Variants in TYRP1 observed in about 807,000 individuals in gnomAD.
The protein encoded by TYRP1 is tyrosinase related protein 1, also known as 5,6-dihydroxyindole-2-carboxylic acid oxidase.
Under a neutral mutation model 42.8 loss-of-function variants are expected in TYRP1, and 49 were observed. That is an observed-to-expected ratio of 1.14 (90% CI 0.91 to 1.45). The LOEUF is 1.45. TYRP1 is among the 40% of genes most tolerant of loss of function. The pLI, the probability that TYRP1 is intolerant of heterozygous loss-of-function variation, is 0.00. For synonymous variants in TYRP1, 279 were observed against 235.4 expected (o/e 1.19, Z -1.69); for missense variants, 848 against 662.0 (o/e 1.28, Z -3.08).
At chr9:12,703,690 T>C (rs1253515241) in intron 5 of TYRP1, among the ~76,000 whole-genome samples, 2 of 151,766 alleles carry the variant, frequency 1.3e-5, no homozygotes, top group Non-Finnish European at 2.9e-5. Context: ...ACAATTCATC[T>C]TAGATGAAGA....
At chr9:12,705,822 G>T (rs1818248897) in intron 6 of TYRP1, among the ~76,000 whole-genome samples, 3 of 150,092 alleles carry the variant, frequency 2.0e-5, no homozygotes, top group Middle Eastern at 6.9e-3. Context: ...ACTCTAGCCT[G>T]GCTGACAGAG....
chr9:12,696,113 A>T (rs984532312), intron 3 of TYRP1, among the ~76,000 whole-genome samples: 1 of 152,180 alleles, frequency 6.6e-6, no homozygotes, highest in Non-Finnish European at 1.5e-5. Flanking sequence ...TTGCAGTTTC[A>T]TTGAAAACAT....
At position 12,695,536 on chromosome 9, in the gene TYRP1, TAAGTA is replaced by T. The variant is rs769074792; in HGVS notation, c.411_415del (p.Ser137ArgfsTer42). ...AAAGTCAGGAGAAATCTTCTGGACT[TAAGTA>T]AAGAAGAAAAGAACCACTTTGTCCG... On this transcript the variant is annotated frameshift_variant, in exon 3 of 8. Transcript: ENST00000388918. LOFTEE classifies it high-confidence loss of function. The T allele has an allele frequency of 2.5e-6, 4 of 1,614,114 alleles. No individual in the cohort carries two copies. Among genetic ancestry groups the T allele is most frequent in the Non-Finnish European group, 2.5e-6 (3 of 1,180,014 alleles).
chr9:12,702,445 A>C lies in TYRP1; in HGVS notation c.1081+7A>C, dbSNP rs781198356. 11 of 1,612,064 alleles carry C rather than the reference A, an allele frequency of 6.8e-6. No homozygotes were observed. In the East Asian group the frequency reaches 2.0e-4, roughly 29 times the overall value. On this transcript the variant is annotated splice_region_variant and intron_variant, in intron 5 of 7. Coordinates refer to ENST00000388918, the MANE Select transcript of TYRP1 (RefSeq NM_000550.3). ...TTCCGAAACACAGTGGAAGGCAAGT[A>C]AATGAAATCAGTATTTTTAAAAGAT...
At chr9:12,708,642 G>A (rs1818301345) in intron 7 of TYRP1, among the ~76,000 whole-genome samples, 1 of 151,952 alleles carries the variant, frequency 6.6e-6, no homozygotes, top group African/African-American at 2.4e-5. Flanking sequence ...AAAGGCAGTA[G>A]GGCATAGTGG....
In TYRP1 at chr9:12,704,694, G is replaced by A. The variant is rs1586845729; in HGVS notation, c.1250G>A (p.Arg417Lys). 1 of 1,612,876 alleles carries A rather than the reference G, an allele frequency of 6.2e-7. No individual in the cohort carries two copies. Among genetic ancestry groups the A allele is most frequent in the Middle Eastern group, 1.7e-4 (1 of 6,050 alleles). ...GCAGTCTTTGATGAATGGCTGAGGA[G>A]ATACAATGCTGGTAAGACATTTTCA... Reference protein sequence around the residue: ...TDAVFDEWLRRYNADISTFPL... With the variant: ...TDAVFDEWLRKYNADISTFPL... Residue 417 changes from arginine (R) to lysine (K), a missense_variant, in exon 6 of 8, where the codon AGA becomes AAA. Physicochemically the swap from Arg to Lys is conservative, Grantham distance 26. Transcript: ENST00000388918.
chr9:12,693,980 C>T lies in TYRP1; in HGVS notation c.-17C>T. 3 of 1,613,688 alleles carry T rather than the reference C, an allele frequency of 1.9e-6. No homozygotes were observed. On this transcript the variant is annotated 5_prime_UTR_variant, in exon 2 of 8. Transcript: ENST00000388918. ...CTGCAAACCAGGTCTTTGTTTTGCA[C>T]TCTTATTTCAAGCAGAATGAGTGCT...
At chr9:12,703,091 G>GTCTT (rs1325499485) in intron 5 of TYRP1, among the ~76,000 whole-genome samples, 4 of 151,828 alleles carry the variant, frequency 2.6e-5, no homozygotes, top group African/African-American at 9.7e-5. Context: ...AAAATCCAGT[G>GTCTT]TCTTTGTATA....
chr9:12,709,286 T>TAATA lies in TYRP1; in HGVS notation c.*105_*108dup. On this transcript the variant is annotated 3_prime_UTR_variant, in exon 8 of 8. Coordinates refer to ENST00000388918, the MANE Select transcript of TYRP1 (RefSeq NM_000550.3). ...TTCTTTCACTTTATTACCTTCTTTCTAATACAAGCATATGTTAGCATTAAA... is the reference window on the plus strand; with the variant it reads ...TTCTTTCACTTTATTACCTTCTTTCTAATAAATACAAGCATATGTTAGCATTAAA... 2 of 1,166,968 alleles carry TAATA rather than the reference T, an allele frequency of 1.7e-6. No homozygotes were observed. The highest frequency in any genetic ancestry group is 4.8e-5 in the East Asian group (2 of 41,266). The allele number at this position is 1,166,968 out of a possible 1,614,324, so 72.3% of individuals were successfully genotyped here. A position where few individuals can be genotyped will look rare whatever the true frequency, so the allele number is the denominator to read the frequency against.
Position 12,695,599 on chromosome 9 carries a change from C to T in TYRP1, c.470C>T (p.Pro157Leu). ...GATATGGCAAAGCGCACAACTCACC[C>T]TTTATTTGTCATTGCCACCAGGAGA... is the stretch of plus-strand genomic sequence containing the variant. ...ALDMAKRTTH[P>L]LFVIATRRSE... is the part of the protein sequence containing the mutation. Residue 157 changes from proline (P) to leucine (L), a missense_variant, in exon 3 of 8, where the codon CCT becomes CTT. Physicochemically the swap from Pro to Leu is moderately conservative, Grantham distance 98. Transcript: ENST00000388918. The T allele has an allele frequency of 1.2e-6, 2 of 1,614,166 alleles. No homozygotes were observed. Among genetic ancestry groups the T allele is most frequent in the Non-Finnish European group, 1.7e-6 (2 of 1,180,026 alleles).
intron 2 of TYRP1, among the ~76,000 whole-genome samples, chr9:12,694,916 C>T (rs1367301685): frequency 6.6e-6 from 1 of 152,082 alleles, no homozygotes. Context: ...TAACAGCCAA[C>T]AATATTTGAT....
At chr9:12,707,849 T>C (rs1245055233) in intron 6 of TYRP1, 148 bp from the exon 7 acceptor site, 1 of 696,784 alleles carries the variant, frequency 1.4e-6, no homozygotes, top group Non-Finnish European at 2.4e-6. Context: ...CATCCTGCTG[T>C]AGTGAAACTT....
At chr9:12,707,789 G>A (rs556543029) in intron 6 of TYRP1, 3 of 469,478 alleles carry the variant, frequency 6.4e-6, no homozygotes, top group African/African-American at 4.0e-5. Context: ...TTTTTATTAA[G>A]TGGTATATTG....
intron 6 of TYRP1, chr9:12,707,745 G>T (rs1203300188): frequency 1.2e-5 from 5 of 409,012 alleles, no homozygotes; most frequent in South Asian, 1.2e-4. Context: ...CATAGGTGAT[G>T]AAATACTAAA....
rs1818333822 is a variant in TYRP1, at chr9:12,710,033, T to TTATC, written c.*853_*856dup. The TTATC allele has an allele frequency of 1.3e-5, 2 of 151,964 alleles. No individual in the cohort carries two copies. Among genetic ancestry groups the TTATC allele is most frequent in the South Asian group, 2.1e-4 (1 of 4,830 alleles). 9.4% of individuals were successfully genotyped at this position (151,964 alleles called of 1,614,324 possible). On this transcript the variant is annotated 3_prime_UTR_variant, in exon 8 of 8. Coordinates refer to ENST00000388918, the MANE Select transcript of TYRP1 (RefSeq NM_000550.3). Reference sequence around the variant, plus strand: ...ATCACTGTGCTTAATTTAAATAGCATTATCTTATCATTTATCAGCCTTTTA... The same window carrying TTATC: ...ATCACTGTGCTTAATTTAAATAGCATTATCTATCTTATCATTTATCAGCCTTTTA...
chr9:12,705,872 C>A (rs1176435266), intron 6 of TYRP1, among the ~76,000 whole-genome samples: 4 of 151,900 alleles, frequency 2.6e-5, no homozygotes, highest in African/African-American at 7.3e-5. Flanking sequence ...TCAGTTATTG[C>A]AGTTTCATCT....
At chr9:12,696,529 A>C (rs1195926817) in intron 3 of TYRP1, among the ~76,000 whole-genome samples, 1 of 152,152 alleles carries the variant, frequency 6.6e-6, no homozygotes, top group Non-Finnish European at 1.5e-5. Context: ...ATTTGAAAAA[A>C]AGTTGAAAAA....
At position 12,694,429 on chromosome 9, in the gene TYRP1, G is replaced by T. The variant is rs139030137; in HGVS notation, c.385+48G>T. 14 of 1,603,396 alleles carry T rather than the reference G, an allele frequency of 8.7e-6. No homozygotes were observed. The African/African-American group carries it at 1.3e-4, about 15-fold the overall frequency. On this transcript the variant is annotated intron_variant, in intron 2 of 7. Coordinates refer to ENST00000388918, the MANE Select transcript of TYRP1 (RefSeq NM_000550.3). ...TCATAAGTCCTGCATGAGACTCAAG[G>T]CTCTTAATAAAATCTTAAATCATTT...
In TYRP1 at chr9:12,695,521, G is replaced by A. The variant is rs777582071; in HGVS notation, c.392G>A (p.Arg131Lys). Residue 131 changes from arginine to lysine, a missense_variant, in exon 3 of 8, where the codon AGA becomes AAA. By Grantham distance (26) the Arg-to-Lys change is conservative (BLOSUM62 2). Transcript: ENST00000388918. ...ACDQRVLIVR[R>K]NLLDLSKEEK... ...GAATTTTGTATCCCTAAAGTCAGGAGAAATCTTCTGGACTTAAGTAAAGAA... is the reference window on the plus strand; with the variant it reads ...GAATTTTGTATCCCTAAAGTCAGGAAAAATCTTCTGGACTTAAGTAAAGAA... 6.2e-7 allele frequency: 1 copy of A among 1,614,044 alleles called. No homozygotes were observed. The highest frequency in any genetic ancestry group is 1.7e-5 in the Admixed American group (1 of 60,010).
Sources: allele counts gnomAD v4.1 joint callset (sites outside exome capture counted in the v4.1 genomes callset), GRCh38; gene constraint gnomAD v4.1.1; transcripts MANE v1.5; gene names NCBI Gene and HGNC (gene_info 2026-07-23, HGNC 2026-07-21).